The following ARID2 variants were observed in gnomAD, a reference collection of about 807,000 sequenced individuals.
ARID2 encodes the protein AT-rich interaction domain 2.
In ARID2, 32 loss-of-function variants were observed where a neutral mutation model predicts 184.6. That is an observed-to-expected ratio of 0.17 (90% CI 0.13 to 0.23). The LOEUF (loss-of-function observed/expected upper bound fraction) is 0.23. ARID2 is among the 10% of genes least tolerant of loss of function. The probability of loss-of-function intolerance (pLI) is 1.00; values close to 1 mark genes in which losing one functional copy is unlikely to be tolerated. For synonymous variants in ARID2, 836 were observed against 772.6 expected (o/e 1.08, Z -1.36); for missense variants, 1,696 against 2,197.6 (o/e 0.77, Z 4.56).
chr12:45,766,228 C>T (rs1031196747), intron 3 of ARID2, among the ~76,000 whole-genome samples: 4 of 151,334 alleles, frequency 2.6e-5, no homozygotes, highest in Non-Finnish European at 5.9e-5. Flanking sequence ...AGTGCAGTGG[C>T]GCAATCTCGG....
intron 3 of ARID2, among the ~76,000 whole-genome samples, chr12:45,745,754 G>C (rs554493371): frequency 4.6e-4 from 70 of 152,068 alleles, no homozygotes; most frequent in Non-Finnish European, 9.1e-4. Flanking sequence ...TTCGTCATTT[G>C]GCCAGGCTGT....
chr12:45,811,433 C>G lies in ARID2; in HGVS notation c.300C>G (p.Tyr100Ter). 1 of 1,611,092 alleles carries G rather than the reference C, an allele frequency of 6.2e-7. No individual in the cohort carries two copies. Among genetic ancestry groups the G allele is most frequent in the Non-Finnish European group, 8.5e-7 (1 of 1,178,330 alleles). ...KQYYLRYLEK[Y>*]EKVHHFGEDD... ...TCTGTTTCAGTTACCTAGAAAAGTA[C>G]GAGAAAGTTCATCATTTTGGGGAGG... Residue 100 changes from tyrosine (Y) to a stop codon, truncating the protein, a stop_gained, in exon 4 of 21, where the codon TAC becomes TAG. Coordinates refer to ENST00000334344, the MANE Select transcript of ARID2 (RefSeq NM_152641.4). LOFTEE classifies it high-confidence loss of function.
intron 3 of ARID2, among the ~76,000 whole-genome samples, chr12:45,777,448 C>T (rs919058236): frequency 6.6e-6 from 1 of 152,088 alleles, no homozygotes; most frequent in Non-Finnish European, 1.5e-5. Context: ...GATACAATCA[C>T]ATTAAATGTA....
In ARID2 at chr12:45,829,048, G is replaced by T. The variant is rs1206621317; in HGVS notation, c.706-7541G>T. ...TTTTCTGTTTTACTTTTCACACTTA[G>T]ATCTATAATTTTTATTGTGTTTTTG... On this transcript the variant is annotated intron_variant, in intron 6 of 20. Transcript: ENST00000334344. Among the ~76,000 whole-genome samples, 3 of 151,900 alleles carry T rather than the reference G, an allele frequency of 2.0e-5. No homozygotes were observed. In the East Asian group the frequency reaches 5.8e-4, roughly 29 times the overall value.
chr12:45,853,736 T>C (rs1452116214), intron 15 of ARID2, among the ~76,000 whole-genome samples: 1 of 152,234 alleles, frequency 6.6e-6, no homozygotes, highest in Non-Finnish European at 1.5e-5. Context: ...CTATGACTAC[T>C]GCCAACTCTG....
Position 45,837,359 on chromosome 12 carries a change from G to C in ARID2, c.1062G>C (p.Leu354=), listed in dbSNP as rs943710368. 6.2e-6 allele frequency: 10 copies of C among 1,611,498 alleles called. No individual in the cohort carries two copies. Among genetic ancestry groups the C allele is most frequent in the Non-Finnish European group, 8.5e-6 (10 of 1,179,294 alleles). ...CTGTTGATTTCAAAACTACTCATCT[G>C]ATGTTTCATACTGTTACAAAATGTC... The part of the protein sequence containing the change: ...LDPVDFKTTH[L]MFHTVTKCLM... Residue 354 remains leucine, a synonymous_variant, in exon 9 of 21, where the codon CTG becomes CTC. Transcript: ENST00000334344.
At chr12:45,752,903 T>A (rs1392038803) in intron 3 of ARID2, among the ~76,000 whole-genome samples, 1 of 152,242 alleles carries the variant, frequency 6.6e-6, no homozygotes, top group African/African-American at 2.4e-5. Flanking sequence ...AAAGACATCA[T>A]GTAGTTTACT....
At position 45,860,815 on chromosome 12, in the gene ARID2, A is replaced by T. The variant is rs775593396; in HGVS notation, c.4788A>T (p.Pro1596=). The change falls in exon 16 of 21, where the codon CCA becomes CCT. Residue 1596 remains proline, a synonymous_variant. Coordinates refer to ENST00000334344, the MANE Select transcript of ARID2 (RefSeq NM_152641.4). ...QNVVPQNTPM[P]PSPAVQVQGQ... is the part of the protein sequence containing the mutation. ...CTTTTTCACAGAACACTCCTATGCC[A>T]CCTTCACCAGCTGTACAAGTGCAGG... 6.3e-7 allele frequency: 1 copy of T among 1,591,528 alleles called. No homozygotes were observed. The highest frequency in any genetic ancestry group is 8.6e-7 in the Non-Finnish European group (1 of 1,169,236).
intron 6 of ARID2, among the ~76,000 whole-genome samples, chr12:45,834,864 T>C (rs2138121742): frequency 1.3e-5 from 2 of 152,342 alleles, no homozygotes; most frequent in Admixed American, 1.3e-4. Flanking sequence ...TTTTTTTATC[T>C]TTCTTGGAGT....
rs527898937 is a variant in ARID2, at chr12:45,754,183, T to C, written c.284+22869T>C. ...CATTTCATTCACTTGAATGCATAAG[T>C]AATAGTATCAGGCAAAAAAATAATA... On this transcript the variant is annotated intron_variant, in intron 3 of 20. Transcript: ENST00000334344. 1.6e-4 allele frequency among the ~76,000 whole-genome samples: 25 copies of C among 152,252 alleles called. 1 individual carries two copies. In the East Asian group the frequency reaches 4.4e-3, roughly 27 times the overall value.
chr12:45,778,639 C>T (rs1355105069), intron 3 of ARID2, among the ~76,000 whole-genome samples: 3 of 152,116 alleles, frequency 2.0e-5, no homozygotes, highest in East Asian at 1.9e-4. Context: ...GTAAGAAAAT[C>T]AGTGTTTTCA....
At chr12:45,898,603 C>T (rs971406893) in intron 20 of ARID2, among the ~76,000 whole-genome samples, 2 of 152,066 alleles carry the variant, frequency 1.3e-5, no homozygotes, top group African/African-American at 4.8e-5. Flanking sequence ...ATACTAAAAA[C>T]GAGAGAATTT....
At chr12:45,847,517 A>G (rs1943464665) in intron 12 of ARID2, among the ~76,000 whole-genome samples, 1 of 152,114 alleles carries the variant, frequency 6.6e-6, no homozygotes, top group South Asian at 2.1e-4. Flanking sequence ...AAGCAAATGA[A>G]GAGTTTTAAA....
At position 45,850,235 on chromosome 12, in the gene ARID2, A is replaced by G. The variant is rs373556686; in HGVS notation, c.2112A>G (p.Gln704=). The change falls in exon 15 of 21, where the codon CAA becomes CAG. Residue 704 remains glutamine, a synonymous_variant. Transcript: ENST00000334344. ...QQQNAPVTVI[Q]SKAPIPCEVV... ...AAAATGCTCCAGTGACTGTCATTCA[A>G]AGTAAAGCTCCAATTCCTTGTGAAG... 1.2e-5 allele frequency: 20 copies of G among 1,614,018 alleles called. No homozygotes were observed. The highest frequency in any genetic ancestry group is 2.7e-5 in the African/African-American group (2 of 74,918).
At chr12:45,867,687 G>A (rs1297623258) in intron 16 of ARID2, among the ~76,000 whole-genome samples, 1 of 150,796 alleles carries the variant, frequency 6.6e-6, no homozygotes, top group Admixed American at 6.6e-5. Flanking sequence ...AGCTTGCAGT[G>A]AGCCCAGATC....
intron 3 of ARID2, among the ~76,000 whole-genome samples, chr12:45,785,934 C>G (rs531841570): frequency 6.6e-5 from 10 of 152,218 alleles, no homozygotes; most frequent in African/African-American, 2.4e-4. Flanking sequence ...CAGTAGTGGT[C>G]TGTGGGAAAA....
chr12:45,832,939 A>G (rs984942666), intron 6 of ARID2, among the ~76,000 whole-genome samples: 1 of 152,134 alleles, frequency 6.6e-6, no homozygotes, highest in African/African-American at 2.4e-5. Context: ...GGAAAATTTG[A>G]TATCTTTGGA....
chr12:45,828,291 G>A (rs1943042066), intron 6 of ARID2, among the ~76,000 whole-genome samples: 1 of 151,906 alleles, frequency 6.6e-6, no homozygotes, highest in South Asian at 2.1e-4. Context: ...ATCGTTGCAA[G>A]TATTTGTATT....
chr12:45,754,130 A>G (rs956155715), intron 3 of ARID2, among the ~76,000 whole-genome samples: 11 of 152,246 alleles, frequency 7.2e-5, no homozygotes, highest in Non-Finnish European at 1.6e-4. Flanking sequence ...AGTTGTTTCA[A>G]AAAACAAACT....
Sources: gnomAD v4.1 joint callset for allele counts (sites outside exome capture counted in the v4.1 genomes callset) on GRCh38, gnomAD v4.1.1 for gene constraint, MANE v1.5 for transcripts, NCBI Gene and HGNC (gene_info 2026-07-23, HGNC 2026-07-21) for gene names.